The following SLC25A21 variants were observed in gnomAD, a reference collection of about 807,000 sequenced individuals.
The protein encoded by SLC25A21 is mitochondrial 2-oxodicarboxylate carrier.
In SLC25A21, 47 loss-of-function variants were observed where a neutral mutation model predicts 43.8. The ratio of observed to expected loss-of-function variants is 1.07; its 90% CI spans 0.85 to 1.37. SLC25A21 has a LOEUF of 1.37. Ranked by LOEUF, SLC25A21 falls within the 40% of genes most tolerant of loss-of-function variation. SLC25A21 has a pLI of 0.00. For missense variants in SLC25A21, 352 were observed against 350.2 expected (o/e 1.00, Z -0.04); for synonymous variants, 131 against 121.3 (o/e 1.08, Z -0.52).
At chr14:36,758,939 C>A (rs1356611842) in intron 3 of SLC25A21, among the ~76,000 whole-genome samples, 1 of 152,194 alleles carries the variant, frequency 6.6e-6, no homozygotes, top group Non-Finnish European at 1.5e-5. Context: ...CTGGAACGTG[C>A]ATTATCCATG....
intron 7 of SLC25A21, among the ~76,000 whole-genome samples, chr14:36,706,831 T>C (rs936193352): frequency 5.3e-5 from 8 of 152,118 alleles, no homozygotes; most frequent in African/African-American, 1.9e-4. Context: ...TGTATTGCAG[T>C]CATTTCCATG....
chr14:36,763,693 G>A (rs1886252014), intron 3 of SLC25A21, among the ~76,000 whole-genome samples: 1 of 151,876 alleles, frequency 6.6e-6, no homozygotes, highest in Non-Finnish European at 1.5e-5. Flanking sequence ...GAGCACACCG[G>A]GAAGACCAGA....
chr14:36,731,167 GT>G (rs970623229), intron 4 of SLC25A21, among the ~76,000 whole-genome samples: 5 of 152,156 alleles, frequency 3.3e-5, no homozygotes, highest in Admixed American at 2.6e-4. Context: ...TAGAGACGGG[GT>G]TTCCCCGTGT....
At chr14:36,741,696 C>A (rs1464640638) in intron 3 of SLC25A21, among the ~76,000 whole-genome samples, 1 of 152,220 alleles carries the variant, frequency 6.6e-6, no homozygotes, top group Non-Finnish European at 1.5e-5. Flanking sequence ...AACACACTCA[C>A]ACACAGCATG....
chr14:36,711,099 T>A (rs1015386735), intron 7 of SLC25A21, among the ~76,000 whole-genome samples: 8 of 152,212 alleles, frequency 5.3e-5, no homozygotes, highest in Non-Finnish European at 1.5e-5. Context: ...TCAACTTTAC[T>A]GTCTACTATG....
At chr14:36,798,514 G>A (rs891582456) in intron 3 of SLC25A21, among the ~76,000 whole-genome samples, 11 of 150,768 alleles carry the variant, frequency 7.3e-5, no homozygotes, top group South Asian at 2.1e-4. Context: ...TCATACAGTC[G>A]TTTTATTGCA....
At chr14:36,867,710 G>A (rs1309391244) in intron 2 of SLC25A21, among the ~76,000 whole-genome samples, 2 of 151,660 alleles carry the variant, frequency 1.3e-5, no homozygotes, top group Non-Finnish European at 2.9e-5. Context: ...CCTCACTCAG[G>A]TTTCTTCACT....
intron 1 of SLC25A21, among the ~76,000 whole-genome samples, chr14:36,897,313 T>C (rs1891270180): frequency 6.6e-6 from 1 of 152,242 alleles, no homozygotes; most frequent in South Asian, 2.1e-4. Flanking sequence ...TGATACCCTT[T>C]CTTCCAGTTG....
chr14:37,092,763 T>C (rs1962612926), intron 1 of SLC25A21, among the ~76,000 whole-genome samples: 1 of 152,068 alleles, frequency 6.6e-6, no homozygotes, highest in African/African-American at 2.4e-5. Flanking sequence ...GACTCAAATT[T>C]ATCCCACCTT....
At chr14:37,088,805 G>A (rs1384811273) in intron 1 of SLC25A21, among the ~76,000 whole-genome samples, 2 of 152,124 alleles carry the variant, frequency 1.3e-5, no homozygotes, top group African/African-American at 4.8e-5. Flanking sequence ...CAGTGCAAAC[G>A]ACCGGCCCAC....
intron 7 of SLC25A21, among the ~76,000 whole-genome samples, chr14:36,707,446 C>T (rs1209330834): frequency 6.6e-6 from 1 of 152,118 alleles, no homozygotes; most frequent in African/African-American, 2.4e-5. Context: ...GACCTGTTGA[C>T]CCCACATTTT....
At chr14:37,106,190 T>G (rs903000696) in intron 1 of SLC25A21, among the ~76,000 whole-genome samples, 2 of 151,992 alleles carry the variant, frequency 1.3e-5, no homozygotes, top group Non-Finnish European at 2.9e-5. Flanking sequence ...TAACAGCAAT[T>G]TTTAGGGAAC....
At chr14:36,814,024 A>T in intron 2 of SLC25A21, 23 bp from the exon 3 acceptor site, 1 of 1,558,936 alleles carries the variant, frequency 6.4e-7, no homozygotes. Context: ...TCAAACCAAA[A>T]ATTCTAAGTT....
chr14:36,713,491 C>A (rs145253645), intron 6 of SLC25A21, among the ~76,000 whole-genome samples: 136 of 152,060 alleles, frequency 8.9e-4, no homozygotes, highest in African/African-American at 3.2e-3. Context: ...AACTCAAGTG[C>A]TTTGTTGAGT....
intron 2 of SLC25A21, among the ~76,000 whole-genome samples, chr14:36,823,002 C>T (rs190776365): frequency 2.2e-3 from 338 of 152,246 alleles, no homozygotes; most frequent in Middle Eastern, 6.8e-3. Context: ...AATTACAAGA[C>T]ATATGGTATT....
chr14:36,869,861 G>T (rs4143906), intron 2 of SLC25A21, among the ~76,000 whole-genome samples: 66,952 of 151,992 alleles, frequency 0.44, 16,100 homozygotes, highest in Non-Finnish European at 0.52. Context: ...AGATGAGAGA[G>T]GACCTAACAA....
chr14:36,703,431 C>T (rs1482071049), intron 7 of SLC25A21, among the ~76,000 whole-genome samples: 1 of 152,182 alleles, frequency 6.6e-6, no homozygotes, highest in Non-Finnish European at 1.5e-5. Context: ...TTAATGCTGT[C>T]TGTGGTGAAT....
intron 1 of SLC25A21, among the ~76,000 whole-genome samples, chr14:36,994,526 T>C (rs1960330906): frequency 6.6e-6 from 1 of 152,196 alleles, no homozygotes; most frequent in Non-Finnish European, 1.5e-5. Flanking sequence ...GTTGGACCCT[T>C]CCCTGCTGTT....
At chr14:36,856,592 C>A (rs1394823862) in intron 2 of SLC25A21, among the ~76,000 whole-genome samples, 1 of 152,168 alleles carries the variant, frequency 6.6e-6, no homozygotes, top group Non-Finnish European at 1.5e-5. Context: ...GAAAGGGGGC[C>A]ACTGGCATCA....
Sources: gnomAD v4.1 joint callset for allele counts (sites outside exome capture counted in the v4.1 genomes callset) on GRCh38, gnomAD v4.1.1 for gene constraint, MANE v1.5 for transcripts, NCBI Gene and HGNC (gene_info 2026-07-23, HGNC 2026-07-21) for gene names.